CFTR: variants seen among roughly 807,000 people sequenced by gnomAD.
The protein encoded by CFTR is cystic fibrosis transmembrane conductance regulator.
In CFTR, 181 loss-of-function variants were observed where a neutral mutation model predicts 171.6. That is an observed-to-expected ratio of 1.05 (90% CI 0.93 to 1.19). The LOEUF is 1.19. Ranked by LOEUF, CFTR falls within the 50% of genes most tolerant of loss-of-function variation. The probability of loss-of-function intolerance (pLI) is 0.00; values close to 1 mark genes in which losing one functional copy is unlikely to be tolerated. For synonymous variants in CFTR, 583 were observed against 608.0 expected (o/e 0.96, Z 0.60); for missense variants, 1,968 against 1,734.7 (o/e 1.13, Z -2.39).
chr7:117,588,958 C>G (rs213962), intron 12 of CFTR, among the ~76,000 whole-genome samples: 2,707 of 152,042 alleles, frequency 0.018, 80 homozygotes, highest in African/African-American at 0.061. Flanking sequence ...TATCTGTGAG[C>G]CAAAGTAAGA....
intron 21 of CFTR, among the ~76,000 whole-genome samples, chr7:117,627,129 AGAG>A (rs1158055459): frequency 6.6e-6 from 1 of 152,128 alleles, no homozygotes; most frequent in Non-Finnish European, 1.5e-5. Context: ...TTCGAGAGAA[AGAG>A]AAGAATCTTC....
intron 24 of CFTR, among the ~76,000 whole-genome samples, chr7:117,654,856 A>C (rs1793144376): frequency 6.6e-6 from 1 of 152,200 alleles, no homozygotes; most frequent in African/African-American, 2.4e-5. Flanking sequence ...GGCACGGGGC[A>C]GTTGTAGCCC....
chr7:117,487,513 C>T (rs1256487866), intron 1 of CFTR, among the ~76,000 whole-genome samples: 1 of 152,070 alleles, frequency 6.6e-6, no homozygotes, highest in Non-Finnish European at 1.5e-5. Context: ...CTGCTTGGGA[C>T]TTCAGATATT....
At chr7:117,617,145 T>G (rs563772137) in intron 21 of CFTR, among the ~76,000 whole-genome samples, 1 of 152,330 alleles carries the variant, frequency 6.6e-6, no homozygotes, top group South Asian at 2.1e-4. Flanking sequence ...TTTAGTTTGA[T>G]GTATGCTTTT....
chr7:117,542,790 A>G (rs1288442055), intron 9 of CFTR, among the ~76,000 whole-genome samples: 1 of 152,132 alleles, frequency 6.6e-6, no homozygotes, highest in Non-Finnish European at 1.5e-5. Context: ...AATGGAGAAT[A>G]TTAATATTTA....
intron 2 of CFTR, among the ~76,000 whole-genome samples, chr7:117,507,162 A>G (rs1798432882): frequency 6.6e-6 from 1 of 152,184 alleles, no homozygotes; most frequent in Admixed American, 6.5e-5. Flanking sequence ...ATGTGGTCCT[A>G]CTAGAACCAC....
At chr7:117,556,512 C>CTTTTTTTT (rs55700428) in intron 10 of CFTR, among the ~76,000 whole-genome samples, 13 of 45,920 alleles carry the variant, frequency 2.8e-4, no homozygotes, top group African/African-American at 9.7e-4. Context: ...TGTTTCATTT[C>CTTTTTTTT]TTTTTTTTTT....
Position 117,590,454 on chromosome 7 carries a change from T to C in CFTR, c.1766+15T>C. ...ATATTTGAAAGGTATGTTCTTTGAATACCTTACTTATAATGCTCATGCTAA... is the reference window on the plus strand; with the variant it reads ...ATATTTGAAAGGTATGTTCTTTGAACACCTTACTTATAATGCTCATGCTAA... On this transcript the variant is annotated intron_variant, in intron 13 of 26. Transcript: ENST00000003084. 1 of 1,596,228 alleles carries C rather than the reference T, an allele frequency of 6.3e-7. No homozygotes were observed. Among genetic ancestry groups the C allele is most frequent in the Non-Finnish European group, 8.6e-7 (1 of 1,168,070 alleles).
At chr7:117,665,835 A>G (rs1400270115) in intron 26 of CFTR, among the ~76,000 whole-genome samples, 4 of 152,148 alleles carry the variant, frequency 2.6e-5, no homozygotes, top group Non-Finnish European at 5.9e-5. Flanking sequence ...TGAGCCCTTT[A>G]TTTGGGGACC....
At chr7:117,573,061 T>TCTCG (rs1791719780) in intron 11 of CFTR, among the ~76,000 whole-genome samples, 2 of 151,936 alleles carry the variant, frequency 1.3e-5, no homozygotes, top group African/African-American at 2.4e-5. Flanking sequence ...TCTCTCTTGC[T>TCTCG]CTCTCTCTCT....
intron 21 of CFTR, among the ~76,000 whole-genome samples, chr7:117,622,416 T>G (rs1490902799): frequency 6.6e-6 from 1 of 152,178 alleles, no homozygotes; most frequent in Non-Finnish European, 1.5e-5. Flanking sequence ...AGTTTTTGCC[T>G]ACTGGGAAGG....
chr7:117,510,747 AT>A (rs1218544406), intron 3 of CFTR, among the ~76,000 whole-genome samples: 2 of 151,988 alleles, frequency 1.3e-5, no homozygotes, highest in South Asian at 4.1e-4. Flanking sequence ...TATCTATAGA[AT>A]TTTTTTTGGT....
intron 3 of CFTR, among the ~76,000 whole-genome samples, chr7:117,529,782 C>A (rs538002020): frequency 5.7e-4 from 86 of 152,144 alleles, no homozygotes; most frequent in African/African-American, 2.0e-3. Flanking sequence ...AAAAACCCCT[C>A]AAATTAAGGG....
rs193219992 is a variant in CFTR, at chr7:117,648,000, C to T, written c.3874-4842C>T. Among the ~76,000 whole-genome samples the T allele has an allele frequency of 4.0e-3, 592 of 148,302 alleles. 15 individuals carry two copies. Among genetic ancestry groups the T allele is most frequent in the East Asian group, 2.7e-3 (14 of 5,100 alleles). The stretch of plus-strand genomic sequence containing the variant: ...GGCCACATTTTGATAGAACTATACA[C>T]GGAGTGTGTGTGTGTGTGTGTGTGT... On this transcript the variant is annotated intron_variant, in intron 23 of 26. Coordinates refer to ENST00000003084, the MANE Select transcript of CFTR (RefSeq NM_000492.4).
At chr7:117,535,680 G>A (rs948742880) in intron 6 of CFTR, among the ~76,000 whole-genome samples, 1 of 151,632 alleles carries the variant, frequency 6.6e-6, no homozygotes, top group Non-Finnish European at 1.5e-5. Flanking sequence ...GATTAGAGGC[G>A]CATGCCACCA....
intron 11 of CFTR, among the ~76,000 whole-genome samples, chr7:117,577,140 CA>C (rs1369387615): frequency 6.6e-6 from 1 of 151,828 alleles, no homozygotes; most frequent in Admixed American, 6.6e-5. Flanking sequence ...GCATTTTAGA[CA>C]AAGGGAACAG....
intron 1 of CFTR, among the ~76,000 whole-genome samples, chr7:117,490,760 T>G (rs563854862): frequency 3.0e-4 from 45 of 152,052 alleles, no homozygotes; most frequent in Non-Finnish European, 5.9e-4. Flanking sequence ...ACAGGATTAT[T>G]ATAATTAGCA....
At chr7:117,518,107 G>A (rs960861159) in intron 3 of CFTR, among the ~76,000 whole-genome samples, 1 of 151,882 alleles carries the variant, frequency 6.6e-6, no homozygotes, top group Non-Finnish European at 1.5e-5. Flanking sequence ...CTGGTACATA[G>A]CAAGTGCTCT....
At chr7:117,517,092 A>G (rs1433869192) in intron 3 of CFTR, among the ~76,000 whole-genome samples, 2 of 152,158 alleles carry the variant, frequency 1.3e-5, no homozygotes, top group African/African-American at 2.4e-5. Flanking sequence ...TGAACAGGCA[A>G]CTTACGGAAT....
Sources: gnomAD v4.1 joint callset for allele counts (sites outside exome capture counted in the v4.1 genomes callset) on GRCh38, gnomAD v4.1.1 for gene constraint, MANE v1.5 for transcripts, NCBI Gene and HGNC (gene_info 2026-07-23, HGNC 2026-07-21) for gene names.